The following CFAP61 variants were observed in gnomAD, a reference collection of about 807,000 sequenced individuals.
The protein encoded by CFAP61 is cilia and flagella associated protein 61.
CFAP61 carries 107 observed loss-of-function variants against 135.6 expected under a neutral mutation model. That is an observed-to-expected ratio of 0.79 (90% CI 0.67 to 0.93). CFAP61 has a LOEUF of 0.93. CFAP61 is among the 40% of genes least tolerant of loss of function. The pLI is 0.00. For synonymous variants in CFAP61, 575 were observed against 578.5 expected, an observed-to-expected ratio of 0.99 and a Z score of 0.09; for missense variants, 1,507 against 1,556.2, an observed-to-expected ratio of 0.97 and a Z score of 0.53.
intron 25 of CFAP61, among the ~76,000 whole-genome samples, chr20:20,299,744 TGTGGTATTCCATCATATA>T (rs2055930497): frequency 6.6e-6 from 1 of 152,208 alleles, no homozygotes; most frequent in Admixed American, 6.5e-5. Context: ...CTCCCTGCTG[TGTGGTATTCCATCATATA>T]ATGGTCATGA....
chr20:20,087,066 A>G (rs1320184718), intron 6 of CFAP61, among the ~76,000 whole-genome samples: 1 of 152,212 alleles, frequency 6.6e-6, no homozygotes, highest in Non-Finnish European at 1.5e-5. Flanking sequence ...GGGTGGAAAG[A>G]TGCAGGCAAA....
At chr20:20,156,938 C>T (rs138670828) in intron 9 of CFAP61, among the ~76,000 whole-genome samples, 32 of 152,280 alleles carry the variant, frequency 2.1e-4, no homozygotes, top group Non-Finnish European at 3.5e-4. Context: ...ATCCCAATCA[C>T]ATTTTCAGCA....
intron 15 of CFAP61, among the ~76,000 whole-genome samples, chr20:20,195,611 G>C (rs111452216): frequency 7.6e-6 from 1 of 130,938 alleles, no homozygotes; most frequent in Non-Finnish European, 1.6e-5. Flanking sequence ...CTGTGGAAAC[G>C]AGCAGTGTGC....
intron 22 of CFAP61, 147 bp downstream of exon 22, chr20:20,277,605 G>A: frequency 1.3e-6 from 1 of 760,842 alleles, no homozygotes; most frequent in South Asian, 1.9e-5. Flanking sequence ...CCTCTTGCTG[G>A]GTAACAACCC....
chr20:20,296,842 T>G (rs945571971), intron 24 of CFAP61, among the ~76,000 whole-genome samples: 5 of 152,198 alleles, frequency 3.3e-5, no homozygotes, highest in South Asian at 2.1e-4. Context: ...TAACACTAAT[T>G]TTTTTGAATA....
intron 17 of CFAP61, among the ~76,000 whole-genome samples, chr20:20,202,112 A>C (rs545746738): frequency 6.6e-4 from 101 of 152,280 alleles, no homozygotes; most frequent in African/African-American, 2.4e-3. Context: ...CTATGATCCG[A>C]AACCATTGCT....
At chr20:20,070,210 C>T (rs2045606241) in intron 2 of CFAP61, among the ~76,000 whole-genome samples, 2 of 152,210 alleles carry the variant, frequency 1.3e-5, no homozygotes, top group African/African-American at 4.8e-5. Flanking sequence ...GTTACCTTAG[C>T]TTAAGCAAGA....
intron 10 of CFAP61, 84 bp from the exon 11 acceptor site, chr20:20,163,966 T>C (rs2053613503): frequency 6.1e-6 from 7 of 1,150,014 alleles, no homozygotes; most frequent in Non-Finnish European, 8.6e-6. Context: ...AACGGTGTCA[T>C]GTAGAGATAA....
chr20:20,166,544 G>A (rs1006611928), intron 12 of CFAP61, 108 bp downstream of exon 12: 11 of 854,508 alleles, frequency 1.3e-5, no homozygotes, highest in Non-Finnish European at 2.1e-5. Flanking sequence ...TTTGTGTTCG[G>A]AGAATAAGGT....
At chr20:20,154,861 A>G (rs2052753115) in intron 9 of CFAP61, among the ~76,000 whole-genome samples, 1 of 152,162 alleles carries the variant, frequency 6.6e-6, no homozygotes, top group African/African-American at 2.4e-5. Flanking sequence ...AAAGCAATCT[A>G]CAGATTCAAT....
chr20:20,203,547 G>A (rs2056726479), intron 17 of CFAP61, among the ~76,000 whole-genome samples: 1 of 152,144 alleles, frequency 6.6e-6, no homozygotes, highest in East Asian at 1.9e-4. Context: ...TTTTGATACA[G>A]GCATGCAATG....
chr20:20,165,107 A>C (rs557924814), intron 11 of CFAP61, among the ~76,000 whole-genome samples: 1 of 152,172 alleles, frequency 6.6e-6, no homozygotes, highest in South Asian at 2.1e-4. Flanking sequence ...ATATCACCCT[A>C]CTTCCCTGCT....
At chr20:20,126,131 C>T (rs1345520145) in intron 8 of CFAP61, among the ~76,000 whole-genome samples, 1 of 151,632 alleles carries the variant, frequency 6.6e-6, no homozygotes, top group Non-Finnish European at 1.5e-5. Context: ...CTGAAGGTAG[C>T]AGGTGGTTGG....
At chr20:20,318,504 G>A (rs1044107423) in intron 25 of CFAP61, among the ~76,000 whole-genome samples, 4 of 152,168 alleles carry the variant, frequency 2.6e-5, no homozygotes, top group African/African-American at 4.8e-5. Flanking sequence ...CAGCTAAACC[G>A]AGGAGTGCAG....
intron 17 of CFAP61, among the ~76,000 whole-genome samples, chr20:20,218,260 G>T (rs536679048): frequency 6.6e-6 from 1 of 152,194 alleles, no homozygotes; most frequent in Admixed American, 6.5e-5. Context: ...TGCTATTCTC[G>T]TGGTAATGAA....
At chr20:20,198,036 A>G (rs1289418865) in intron 16 of CFAP61, among the ~76,000 whole-genome samples, 1 of 152,260 alleles carries the variant, frequency 6.6e-6, no homozygotes, top group African/African-American at 2.4e-5. Context: ...AGAAGTCCAG[A>G]AAACCTTTTG....
At chr20:20,264,262 A>T (rs1182927478) in intron 21 of CFAP61, among the ~76,000 whole-genome samples, 4 of 152,098 alleles carry the variant, frequency 2.6e-5, no homozygotes, top group Non-Finnish European at 5.9e-5. Context: ...GGTTTTTGGA[A>T]TCAAGGGTAT....
chr20:20,261,467 T>G (rs1246031554), intron 20 of CFAP61, among the ~76,000 whole-genome samples: 1 of 152,104 alleles, frequency 6.6e-6, no homozygotes, highest in Admixed American at 6.6e-5. Flanking sequence ...AGCAAGCCAG[T>G]GGGTATCTGC....
Position 20,075,554 on chromosome 20 carries a change from T to C in CFAP61, c.505T>C (p.Phe169Leu). The C allele has an allele frequency of 6.2e-7, 1 of 1,614,170 alleles. No homozygotes were observed. The highest frequency in any genetic ancestry group is 8.5e-7 in the Non-Finnish European group (1 of 1,179,990). ...CCCGTGTCTGACGTATGAGGAAGAC[T>C]TTGCAGTGCATATATGTCACAGGCA... ...NIPCLTYEED[F>L]AVHICHRHSH... is the part of the protein sequence containing the mutation. The change falls in exon 6 of 27, where the codon TTT becomes CTT. Residue 169 changes from phenylalanine to leucine, a missense_variant. Phe to Leu is a conservative substitution (Grantham distance 22, BLOSUM62 0). Coordinates refer to ENST00000245957, the MANE Select transcript of CFAP61 (RefSeq NM_015585.4).
Sources: gnomAD v4.1 joint callset for allele counts (sites outside exome capture counted in the v4.1 genomes callset) on GRCh38, gnomAD v4.1.1 for gene constraint, MANE v1.5 for transcripts, NCBI Gene and HGNC (gene_info 2026-07-23, HGNC 2026-07-21) for gene names.